PTPN1: variants seen among roughly 807,000 people sequenced by gnomAD.
PTPN1 encodes the protein tyrosine-protein phosphatase non-receptor type 1.
A neutral mutation model predicts 59.9 loss-of-function variants in PTPN1; 12 were observed. The observed-to-expected ratio is 0.20, with a 90% CI of 0.13 to 0.32. PTPN1 has a LOEUF of 0.32. PTPN1 is among the 10% of genes least tolerant of loss of function. The pLI is 1.00. For missense variants in PTPN1, 356 were observed against 549.2 expected, an observed-to-expected ratio of 0.65 and a Z score of 3.52; for synonymous variants, 178 against 203.6, an observed-to-expected ratio of 0.87 and a Z score of 1.07.
At chr20:50,525,918 G>T (rs1312520052) in intron 1 of PTPN1, among the ~76,000 whole-genome samples, 1 of 152,084 alleles carries the variant, frequency 6.6e-6, no homozygotes, top group African/African-American at 2.4e-5. Flanking sequence ...ACTGTCGCAG[G>T]GGGAGGCAGC....
intron 1 of PTPN1, among the ~76,000 whole-genome samples, chr20:50,527,405 G>A (rs1015524408): frequency 1.3e-5 from 2 of 151,766 alleles, no homozygotes; most frequent in Admixed American, 6.6e-5. Context: ...GTGCAGTGCC[G>A]CAGTCTTGGC....
At chr20:50,564,627 C>T (rs113766592) in intron 2 of PTPN1, among the ~76,000 whole-genome samples, 1 of 152,086 alleles carries the variant, frequency 6.6e-6, no homozygotes, top group Admixed American at 6.5e-5. Context: ...AGAACAGATC[C>T]TTTGATGCCC....
At chr20:50,531,928 TGTG>T (rs2082603117) in intron 1 of PTPN1, among the ~76,000 whole-genome samples, 1 of 152,186 alleles carries the variant, frequency 6.6e-6, no homozygotes, top group Admixed American at 6.6e-5. Flanking sequence ...CTGCAGGGCA[TGTG>T]GTGTTGGCTA....
intron 1 of PTPN1, among the ~76,000 whole-genome samples, chr20:50,528,529 C>T (rs1476354518): frequency 6.6e-6 from 1 of 151,936 alleles, no homozygotes; most frequent in African/African-American, 2.4e-5. Flanking sequence ...GCCTGGCCAA[C>T]ATGGTGAAAC....
At chr20:50,511,090 C>A (rs1420398779) in intron 1 of PTPN1, among the ~76,000 whole-genome samples, 1 of 152,154 alleles carries the variant, frequency 6.6e-6, no homozygotes, top group Non-Finnish European at 1.5e-5. Context: ...AGTCCCCTTT[C>A]CCCTTTCTGT....
intron 1 of PTPN1, among the ~76,000 whole-genome samples, chr20:50,518,341 A>G (rs2082537784): frequency 6.6e-6 from 1 of 152,240 alleles, no homozygotes; most frequent in South Asian, 2.1e-4. Flanking sequence ...TCACTTCTGA[A>G]TATAACTTCA....
At chr20:50,578,758 G>A (rs945840870) in intron 6 of PTPN1, 129 bp downstream of exon 6, 20 of 803,858 alleles carry the variant, frequency 2.5e-5, no homozygotes, top group Non-Finnish European at 3.7e-5. Flanking sequence ...CTGTTTTTGC[G>A]TTACTAATAA....
intron 1 of PTPN1, among the ~76,000 whole-genome samples, chr20:50,514,653 T>A (rs1175334350): frequency 6.6e-6 from 1 of 152,204 alleles, no homozygotes; most frequent in African/African-American, 2.4e-5. Flanking sequence ...CGTGAGCAGG[T>A]ACTTTTTCTG....
intron 1 of PTPN1, among the ~76,000 whole-genome samples, chr20:50,542,498 A>T (rs1225130503): frequency 6.6e-6 from 1 of 152,210 alleles, no homozygotes; most frequent in Non-Finnish European, 1.5e-5. Flanking sequence ...TTTTCCTCTT[A>T]ACCTAACTTA....
At chr20:50,536,609 T>G (rs753627243) in intron 1 of PTPN1, among the ~76,000 whole-genome samples, 35 of 152,350 alleles carry the variant, frequency 2.3e-4, no homozygotes, top group Middle Eastern at 3.4e-3. Flanking sequence ...CATTGGTCCC[T>G]AGAGCACATC....
chr20:50,516,247 T>C (rs2082528512), intron 1 of PTPN1, among the ~76,000 whole-genome samples: 1 of 151,438 alleles, frequency 6.6e-6, no homozygotes, highest in African/African-American at 2.4e-5. Context: ...AAACTATAAA[T>C]GGTAATGACA....
chr20:50,574,159 TG>T (rs879706907), intron 4 of PTPN1: 24 of 193,056 alleles, frequency 1.2e-4, no homozygotes, highest in Non-Finnish European at 2.1e-4. Flanking sequence ...GATCAGGTCC[TG>T]GGTAATGTTT....
Position 50,578,644 on chromosome 20 carries a change from GCGGGTGCC to G in PTPN1, c.702+17_702+24del. 1 of 1,610,592 alleles carries G rather than the reference GCGGGTGCC, an allele frequency of 6.2e-7. No individual in the cohort carries two copies. Among genetic ancestry groups the G allele is most frequent in the Non-Finnish European group, 8.5e-7 (1 of 1,177,448 alleles). On this transcript the variant is annotated intron_variant, in intron 6 of 9. Coordinates refer to ENST00000371621, the MANE Select transcript of PTPN1 (RefSeq NM_002827.4). ...GCCTCTTGCTGGTAAGGAGGCCCTC[GCGGGTGCC>G]CTGGGGAGCTCCTCTACCTGCTCTG...
At chr20:50,547,958 A>T (rs1037314873) in intron 1 of PTPN1, among the ~76,000 whole-genome samples, 10 of 152,164 alleles carry the variant, frequency 6.6e-5, no homozygotes, top group African/African-American at 9.7e-5. Context: ...GTAGAGTTTT[A>T]AAAAAATTAA....
intron 5 of PTPN1, among the ~76,000 whole-genome samples, chr20:50,575,362 C>G (rs2082831047): frequency 6.6e-6 from 1 of 152,208 alleles, no homozygotes; most frequent in Admixed American, 6.5e-5. Flanking sequence ...CTGGCCCCAC[C>G]TTACTAGCTC....
chr20:50,564,904 G>A, intron 2 of PTPN1, 65 bp from the exon 3 acceptor site: 1 of 1,600,618 alleles, frequency 6.2e-7, no homozygotes, highest in East Asian at 2.2e-5. Context: ...TCTGTAGGGT[G>A]TGCACCTGTA....
chr20:50,520,769 G>A (rs532306142), intron 1 of PTPN1, among the ~76,000 whole-genome samples: 2 of 152,296 alleles, frequency 1.3e-5, no homozygotes, highest in South Asian at 4.1e-4. Flanking sequence ...GTGAGGTCAT[G>A]GAAGAAGACG....
chr20:50,544,095 C>T (rs1051814584), intron 1 of PTPN1, among the ~76,000 whole-genome samples: 2 of 152,252 alleles, frequency 1.3e-5, no homozygotes, highest in African/African-American at 4.8e-5. Context: ...CCGCCTGCCT[C>T]GGCCTCCCAA....
intron 8 of PTPN1, among the ~76,000 whole-genome samples, chr20:50,580,989 G>A (rs1220070068): frequency 6.6e-6 from 1 of 152,182 alleles, no homozygotes; most frequent in African/African-American, 2.4e-5. Context: ...AATCCTCACA[G>A]TGACCAGTCG....
Sources: allele counts gnomAD v4.1 joint callset (sites outside exome capture counted in the v4.1 genomes callset), GRCh38; gene constraint gnomAD v4.1.1; transcripts MANE v1.5; gene names NCBI Gene and HGNC (gene_info 2026-07-23, HGNC 2026-07-21).